Variants in CFAP46 observed in about 807,000 individuals in gnomAD.
The protein encoded by CFAP46 is cilia and flagella associated protein 46.
A neutral mutation model predicts 325.7 loss-of-function variants in CFAP46; 245 were observed. The observed-to-expected ratio is 0.75, with a 90% CI of 0.68 to 0.84. The LOEUF is 0.84. CFAP46 is among the 40% of genes least tolerant of loss of function. The pLI is 0.00. For missense variants in CFAP46, 3,346 were observed against 3,543.0 expected, an observed-to-expected ratio of 0.94 and a Z score of 1.41; for synonymous variants, 1,523 against 1,495.9, an observed-to-expected ratio of 1.02 and a Z score of -0.42.
chr10:132,812,916 G>T lies in CFAP46; in HGVS notation c.7389-19C>A, dbSNP rs376054450. 9.4e-6 allele frequency: 15 copies of T among 1,590,100 alleles called. No individual in the cohort carries two copies. In the South Asian group the frequency reaches 1.5e-4, roughly 16 times the overall value. Reference sequence around the variant, plus strand: ...GGCCTGGCTGCAGAGAGAGGAGAGCGCTGGTCAACAGTGCCCATGCACCTG... The same window carrying T: ...GGCCTGGCTGCAGAGAGAGGAGAGCTCTGGTCAACAGTGCCCATGCACCTG... On this transcript the variant is annotated intron_variant, in intron 54 of 57. Coordinates refer to ENST00000368586, the MANE Select transcript of CFAP46 (RefSeq NM_001200049.3).
intron 44 of CFAP46, among the ~76,000 whole-genome samples, chr10:132,837,343 GCACAGACACGCACTCA>G (rs1333939326): frequency 2.0e-5 from 3 of 152,072 alleles, no homozygotes; most frequent in African/African-American, 7.2e-5. Context: ...ACACACGCGT[GCACAGACACGCACTCA>G]CGCAGACAGG....
At chr10:132,885,770 A>G (rs1218426922) in intron 26 of CFAP46, 51 bp downstream of exon 26, 2 of 1,369,292 alleles carry the variant, frequency 1.5e-6, no homozygotes, top group Non-Finnish European at 1.9e-6. Flanking sequence ...CGGTGGGGGG[A>G]GCACTCAGGC....
chr10:132,940,096 G>C (rs1407610077), intron 4 of CFAP46, among the ~76,000 whole-genome samples: 21 of 152,216 alleles, frequency 1.4e-4, no homozygotes, highest in Non-Finnish European at 1.5e-5. Context: ...TCTGTGGCTT[G>C]AGGTGGGGCC....
chr10:132,887,898 T>A, intron 25 of CFAP46, among the ~76,000 whole-genome samples: 1 of 72,456 alleles, frequency 1.4e-5, no homozygotes, highest in Admixed American at 1.5e-4. Flanking sequence ...TCTCTCCTCT[T>A]CTCTCCTCTC....
chr10:132,870,957 G>A (rs1370139750), intron 32 of CFAP46, among the ~76,000 whole-genome samples: 2 of 152,238 alleles, frequency 1.3e-5, no homozygotes, highest in African/African-American at 4.8e-5. Flanking sequence ...TGGCTTCCAA[G>A]CTTCCAAGCA....
In CFAP46 at chr10:132,814,919, T is replaced by C; in HGVS notation, c.7118-5A>G. On this transcript the variant is annotated splice_polypyrimidine_tract_variant and splice_region_variant and intron_variant, in intron 50 of 57. Transcript: ENST00000368586. ...CCTCCTTTTTCACGCCACCTTCTGT[T>C]GAAGACAAGAAAGAGGCAGGGATGT... 6.2e-7 allele frequency: 1 copy of C among 1,613,986 alleles called. No homozygotes were observed. The highest frequency in any genetic ancestry group is 8.5e-7 in the Non-Finnish European group (1 of 1,179,978).
chr10:132,894,391 G>GT (rs1245144854), intron 24 of CFAP46, among the ~76,000 whole-genome samples: 5 of 152,060 alleles, frequency 3.3e-5, no homozygotes, highest in Non-Finnish European at 7.4e-5. Context: ...TGTAAATGCT[G>GT]TATTAAAGAA....
At chr10:132,855,128 C>A (rs1293425369) in intron 39 of CFAP46, among the ~76,000 whole-genome samples, 3 of 150,650 alleles carry the variant, frequency 2.0e-5, no homozygotes, top group Non-Finnish European at 4.4e-5. Context: ...GAACTGAAAT[C>A]TGACTGTAAT....
chr10:132,922,485 C>T lies in CFAP46; in HGVS notation c.1480G>A (p.Glu494Lys), dbSNP rs779513961. Reference sequence around the variant, plus strand: ...TCACTTCCCCGGGGCGGCACCTGCTCAACGGCCATGATGGCCTTGTCCTCT... The same window carrying T: ...TCACTTCCCCGGGGCGGCACCTGCTTAACGGCCATGATGGCCTTGTCCTCT... ...RAEDKAIMAV[E>K]QAKKATPKDS... Residue 494 changes from glutamate (E) to lysine (K), a missense_variant, in exon 12 of 58, where the codon GAG becomes AAG. Physicochemically the swap from Glu to Lys is moderately conservative, Grantham distance 56. Transcript: ENST00000368586. The T allele has an allele frequency of 2.6e-6, 4 of 1,532,922 alleles. No individual in the cohort carries two copies. In the South Asian group the frequency reaches 3.6e-5, roughly 14 times the overall value. The allele number at this position is 1,532,922 out of a possible 1,614,324, so 95.0% of individuals were successfully genotyped here.
chr10:132,929,960 G>A (rs1254826221), intron 8 of CFAP46, among the ~76,000 whole-genome samples, 156 bp from the exon 9 acceptor site: 2 of 152,054 alleles, frequency 1.3e-5, no homozygotes, highest in Non-Finnish European at 2.9e-5. Context: ...AAGCCCTGTG[G>A]GGAGGCCCCA....
chr10:132,909,596 C>A (rs937960158), intron 20 of CFAP46, among the ~76,000 whole-genome samples: 1 of 152,170 alleles, frequency 6.6e-6, no homozygotes. Flanking sequence ...TGGCTCCTGG[C>A]CAGGCTCCAA....
chr10:132,822,749 CTGTG>C (rs1378535458), intron 50 of CFAP46, among the ~76,000 whole-genome samples: 1 of 111,690 alleles, frequency 9.0e-6, no homozygotes, highest in Non-Finnish European at 1.8e-5. Flanking sequence ...GTGATGTGTG[CTGTG>C]TGAGTGCTGA....
At position 132,879,500 on chromosome 10, in the gene CFAP46, C is replaced by A; in HGVS notation, c.3931G>T (p.Val1311Leu). The change falls in exon 29 of 58, where the codon GTG (valine) becomes TTG (leucine). Residue 1311 changes from valine to leucine, a missense_variant. By Grantham distance (32) the Val-to-Leu change is conservative. Coordinates refer to ENST00000368586, the MANE Select transcript of CFAP46 (RefSeq NM_001200049.3). ...TAGCCCTCGGCGCCCGGCGACAGCA[C>A]CAGGGCCAGCAGGATGTGCACGCGG... is the stretch of plus-strand genomic sequence containing the variant. Reference protein sequence around the residue: ...LARVHILLALVLSPGAEGYED... With the variant: ...LARVHILLALLLSPGAEGYED... 1.9e-6 allele frequency: 3 copies of A among 1,547,180 alleles called. No homozygotes were observed. The highest frequency in any genetic ancestry group is 2.6e-6 in the Non-Finnish European group (3 of 1,145,856).
intron 21 of CFAP46, among the ~76,000 whole-genome samples, chr10:132,908,844 G>A (rs1459749942): frequency 6.6e-6 from 1 of 152,252 alleles, no homozygotes; most frequent in African/African-American, 2.4e-5. Context: ...GGGTGTCCTG[G>A]ACACGGGACT....
At chr10:132,891,064 G>C (rs373131796) in intron 25 of CFAP46, among the ~76,000 whole-genome samples, 65 of 152,196 alleles carry the variant, frequency 4.3e-4, no homozygotes, top group Middle Eastern at 3.4e-3. Flanking sequence ...TTGTGTGTTT[G>C]TTTTTGCAGG....
At chr10:132,835,561 C>T in intron 46 of CFAP46, 127 bp from the exon 47 acceptor site, 2 of 1,240,274 alleles carry the variant, frequency 1.6e-6, no homozygotes, top group Non-Finnish European at 2.3e-6. Flanking sequence ...GAAGTCCCTT[C>T]CTTCATGTGG....
rs571627038 is a variant in CFAP46, at chr10:132,827,939, G to A, written c.7117+5419C>T. On this transcript the variant is annotated intron_variant, in intron 50 of 57. Transcript: ENST00000368586. This position sits in a 1 kb window ranked among gnomAD's most constrained non-coding sequence, Gnocchi z 5.7. ...TTCTGAGTGAGCCCCGTCACCCCTC[G>A]GCGTAATCCTTCTGAGTGAGCCCCG... 9.0e-4 allele frequency among the ~76,000 whole-genome samples: 136 copies of A among 151,378 alleles called. No individual in the cohort carries two copies. The highest frequency in any genetic ancestry group is 3.1e-3 in the African/African-American group (126 of 41,196).
chr10:132,937,473 T>G (rs1375521605), intron 6 of CFAP46, 79 bp downstream of exon 6: 1 of 1,559,802 alleles, frequency 6.4e-7, no homozygotes, highest in Non-Finnish European at 8.8e-7. Flanking sequence ...CAAACTTATG[T>G]AATTTCTACG....
rs767420107 is a variant in CFAP46 at position 132,860,984 on chromosome 10, T to C, written c.4891-2A>G. 1.9e-6 allele frequency: 3 copies of C among 1,550,408 alleles called. No individual in the cohort carries two copies. The highest frequency in any genetic ancestry group is 3.9e-5 in the Admixed American group (2 of 50,990). On this transcript the variant is annotated splice_acceptor_variant, in intron 35 of 57. Coordinates refer to ENST00000368586, the MANE Select transcript of CFAP46 (RefSeq NM_001200049.3). LOFTEE classifies it high-confidence loss of function. ...CTCTGCACAAGGCTCATCCAGCTCCTGAAGGAGAGAAACTCAGACATGCTT... is the reference window on the plus strand; with the variant it reads ...CTCTGCACAAGGCTCATCCAGCTCCCGAAGGAGAGAAACTCAGACATGCTT...
Sources: gnomAD v4.1 joint callset for allele counts (sites outside exome capture counted in the v4.1 genomes callset) on GRCh38, gnomAD v4.1.1 for gene constraint, Gnocchi (gnomAD v3.1) non-coding constraint, MANE v1.5 for transcripts, NCBI Gene and HGNC (gene_info 2026-07-23, HGNC 2026-07-21) for gene names.